NFIX: variants seen among roughly 807,000 people sequenced by gnomAD.
NFIX encodes the protein nuclear factor I X.
NFIX carries 2 observed loss-of-function variants against 53.3 expected under a neutral mutation model. The ratio of observed to expected loss-of-function variants is 0.04; its 90% CI spans 0.02 to 0.12. The LOEUF is 0.12. Ranked by LOEUF, NFIX falls within the 10% of genes least tolerant of loss-of-function variation. The pLI is 1.00. For synonymous variants in NFIX, 244 were observed against 289.0 expected (o/e 0.84, Z 1.58); for missense variants, 310 against 674.5 (o/e 0.46, Z 5.99).
At position 13,072,751 on chromosome 19, in the gene NFIX, A is replaced by T. The variant is rs1249784356; in HGVS notation, c.560-296A>T. ...TACTGTCATCTAGTGGGTGGAGGCC[A>T]GGGATGCTGCTCAGATACCCCACAG... is the stretch of plus-strand genomic sequence containing the variant. On this transcript the variant is annotated intron_variant, in intron 2 of 10. Transcript: ENST00000592199. The surrounding 1 kb of genome is among the most constrained non-coding windows in gnomAD (Gnocchi z 4.0). 6.6e-6 allele frequency among the ~76,000 whole-genome samples: 1 copy of T among 152,220 alleles called. No individual in the cohort carries two copies. Among genetic ancestry groups the T allele is most frequent in the African/African-American group, 2.4e-5 (1 of 41,452 alleles).
At chr19:13,020,759 C>T (rs1046228386) in intron 1 of NFIX, among the ~76,000 whole-genome samples, 4 of 152,098 alleles carry the variant, frequency 2.6e-5, no homozygotes, top group African/African-American at 9.7e-5. Flanking sequence ...TCCGCCAGTC[C>T]GTGGAGTTTT....
chr19:13,073,520 C>T lies in NFIX; in HGVS notation c.697+24C>T, dbSNP rs1425915200. 6.2e-7 allele frequency: 1 copy of T among 1,601,782 alleles called. No homozygotes were observed. Among genetic ancestry groups the T allele is most frequent in the African/African-American group, 1.3e-5 (1 of 74,626 alleles). On this transcript the variant is annotated intron_variant, in intron 4 of 10. Transcript: ENST00000592199. The surrounding 1 kb of genome is among the most constrained non-coding windows in gnomAD (Gnocchi z 4.5). ...GAGTAAGTGAGTCCTTCCTTCCAGGCCAGGGATGGGGATTGAAAGTGAGGA... is the reference window on the plus strand; with the variant it reads ...GAGTAAGTGAGTCCTTCCTTCCAGGTCAGGGATGGGGATTGAAAGTGAGGA...
At chr19:13,008,056 C>T (rs939811584) in intron 1 of NFIX, among the ~76,000 whole-genome samples, 1 of 152,212 alleles carries the variant, frequency 6.6e-6, no homozygotes, top group Non-Finnish European at 1.5e-5. Context: ...ATACAACAAA[C>T]ACACATGTTG....
rs1047041787 is a variant in NFIX, at chr19:13,067,828, G to A, written c.560-5219G>A. Among the ~76,000 whole-genome samples the A allele has an allele frequency of 6.6e-6, 1 of 152,000 alleles. No homozygotes were observed. Among genetic ancestry groups the A allele is most frequent in the African/African-American group, 2.4e-5 (1 of 41,384 alleles). ...ATATATATATTAAAAACATGCATCC[G>A]GGCACGGTGGCTCACGCCTGTAATC... On this transcript the variant is annotated intron_variant, in intron 2 of 10. Transcript: ENST00000592199. The surrounding 1 kb of genome is among the most constrained non-coding windows in gnomAD (Gnocchi z 4.2).
intron 1 of NFIX, among the ~76,000 whole-genome samples, chr19:13,015,808 A>G (rs62109896): frequency 1.1e-3 from 163 of 150,810 alleles, no homozygotes; most frequent in Middle Eastern, 6.8e-3. Flanking sequence ...ACACACACAC[A>G]CACACGCACA....
At chr19:13,092,135 A>C (rs1438688764) in intron 10 of NFIX, among the ~76,000 whole-genome samples, 1 of 152,164 alleles carries the variant, frequency 6.6e-6, no homozygotes, top group Non-Finnish European at 1.5e-5. Flanking sequence ...CAGGGGGTAC[A>C]GCCGGGGGTG....
chr19:13,088,796 C>CTG lies in NFIX; in HGVS notation c.1402+663_1402+664dup, dbSNP rs1350639278. 6.6e-6 allele frequency among the ~76,000 whole-genome samples: 1 copy of CTG among 152,144 alleles called. No individual in the cohort carries two copies. Among genetic ancestry groups the CTG allele is most frequent in the Non-Finnish European group, 1.5e-5 (1 of 68,016 alleles). On this transcript the variant is annotated intron_variant, in intron 9 of 10. Transcript: ENST00000592199. The surrounding 1 kb of genome is among the most constrained non-coding windows in gnomAD (Gnocchi z 5.9). ...TAGATGTTCCAAGGACGAGGGAGGG[C>CTG]TGTGGGCTTTGGCTTACTTCATCTC...
rs1056617261 is a variant in NFIX at position 13,078,928 on chromosome 19, G to A, written c.1078+193G>A. Reference sequence around the variant, plus strand: ...GTAGCACCTCATCGAGGACCAGGCCGGGCCCCTGGGCTGCCCACCTGGCTC... The same window carrying A: ...GTAGCACCTCATCGAGGACCAGGCCAGGCCCCTGGGCTGCCCACCTGGCTC... On this transcript the variant is annotated intron_variant, in intron 7 of 10. Coordinates refer to ENST00000592199, the MANE Select transcript of NFIX (RefSeq NM_001365902.3). The surrounding 1 kb of genome is among the most constrained non-coding windows in gnomAD (Gnocchi z 4.7). Among the ~76,000 whole-genome samples, 1 of 152,248 alleles carries A rather than the reference G, an allele frequency of 6.6e-6. No individual in the cohort carries two copies. The highest frequency in any genetic ancestry group is 2.4e-5 in the African/African-American group (1 of 41,474).
intron 2 of NFIX, among the ~76,000 whole-genome samples, chr19:13,035,256 TG>T (rs1341836008): frequency 6.6e-6 from 1 of 152,234 alleles, no homozygotes; most frequent in Non-Finnish European, 1.5e-5. Flanking sequence ...GTGTGTCCTG[TG>T]TTGTTTTCGC....
rs2014320577 is a variant in NFIX, at chr19:13,037,863, TCCCCCAGGAACAAAGAATCATCTCGC to T, written c.559+12316_559+12341del. ...GGGAAGAGTCTACTGCATATGACAGTCCCCCAGGAACAAAGAATCATCTCGCCCCCAAACGTCACAAGTGCGGAGGT... is the reference window on the plus strand; with the variant it reads ...GGGAAGAGTCTACTGCATATGACAGTCCCCAAACGTCACAAGTGCGGAGGT... On this transcript the variant is annotated intron_variant, in intron 2 of 10. Transcript: ENST00000592199. The surrounding 1 kb of genome is among the most constrained non-coding windows in gnomAD (Gnocchi z 4.2). 6.6e-6 allele frequency among the ~76,000 whole-genome samples: 1 copy of T among 151,810 alleles called. No individual in the cohort carries two copies. The highest frequency in any genetic ancestry group is 2.1e-4 in the South Asian group (1 of 4,804).
rs2011758758 is a variant in NFIX, at chr19:13,002,392, T to TC, written c.27+6534dup. On this transcript the variant is annotated intron_variant, in intron 1 of 10. Coordinates refer to ENST00000592199, the MANE Select transcript of NFIX (RefSeq NM_001365902.3). This position sits in a 1 kb window ranked among gnomAD's most constrained non-coding sequence, Gnocchi z 6.1. ...CCCCAACCCCCCCTTCCTCACCACC[T>TC]CCCCCCTCCCGAGGAGCCCCTCTGA... 6.7e-6 allele frequency among the ~76,000 whole-genome samples: 1 copy of TC among 149,564 alleles called. No homozygotes were observed. Among genetic ancestry groups the TC allele is most frequent in the Admixed American group, 6.6e-5 (1 of 15,136 alleles).
Position 13,067,830 on chromosome 19 carries a change from G to A in NFIX, c.560-5217G>A, listed in dbSNP as rs1410145982. 1.3e-5 allele frequency among the ~76,000 whole-genome samples: 2 copies of A among 152,128 alleles called. No individual in the cohort carries two copies. Among genetic ancestry groups the A allele is most frequent in the South Asian group, 2.1e-4 (1 of 4,820 alleles). On this transcript the variant is annotated intron_variant, in intron 2 of 10. Coordinates refer to ENST00000592199, the MANE Select transcript of NFIX (RefSeq NM_001365902.3). The surrounding 1 kb of genome is among the most constrained non-coding windows in gnomAD (Gnocchi z 4.2). ...ATATATATTAAAAACATGCATCCGGGCACGGTGGCTCACGCCTGTAATCCC... is the reference window on the plus strand; with the variant it reads ...ATATATATTAAAAACATGCATCCGGACACGGTGGCTCACGCCTGTAATCCC...
At chr19:13,079,525 A>G (rs980912411) in intron 7 of NFIX, among the ~76,000 whole-genome samples, 1 of 152,190 alleles carries the variant, frequency 6.6e-6, no homozygotes, top group East Asian at 1.9e-4. Flanking sequence ...TTTTCTGGAT[A>G]TGGCCCTATG....
At chr19:13,084,926 C>T (rs984924695) in intron 8 of NFIX, among the ~76,000 whole-genome samples, 30 of 151,748 alleles carry the variant, frequency 2.0e-4, no homozygotes, top group Non-Finnish European at 3.4e-4. Flanking sequence ...AAAAATTAGC[C>T]GGGCATGATG....
chr19:13,064,195 G>A (rs1291212578), intron 2 of NFIX, among the ~76,000 whole-genome samples: 6 of 152,152 alleles, frequency 3.9e-5, no homozygotes, highest in Non-Finnish European at 7.4e-5. Flanking sequence ...GCTGGGGGCC[G>A]CTTGCCTGGA....
intron 1 of NFIX, chr19:13,024,432 C>A (rs2013154201): frequency 3.5e-6 from 5 of 1,426,786 alleles, no homozygotes; most frequent in Non-Finnish European, 3.7e-6. Flanking sequence ...TGAAAACAGC[C>A]TGGGGAGAGG....
chr19:13,078,751 C>T lies in NFIX; in HGVS notation c.1078+16C>T. ...GTCAGACCAGGTGAGAAATGGGGGG[C>T]CCCGGAGGGGGGCAGTTGGGGAGGT... On this transcript the variant is annotated intron_variant, in intron 7 of 10. Coordinates refer to ENST00000592199, the MANE Select transcript of NFIX (RefSeq NM_001365902.3). The surrounding 1 kb of genome is among the most constrained non-coding windows in gnomAD (Gnocchi z 4.7). The T allele has an allele frequency of 1.9e-6, 3 of 1,588,856 alleles. No individual in the cohort carries two copies. The highest frequency in any genetic ancestry group is 2.6e-6 in the Non-Finnish European group (3 of 1,169,632).
intron 2 of NFIX, among the ~76,000 whole-genome samples, chr19:13,055,024 C>T (rs1400754490): frequency 2.6e-5 from 4 of 152,110 alleles, no homozygotes; most frequent in Non-Finnish European, 1.5e-5. Context: ...TCTTTCTGGC[C>T]TCGTGATGGG....
Position 13,087,774 on chromosome 19 carries a change from CAAAAAAAAAAA to C in NFIX, c.1255-201_1255-191del, listed in dbSNP as rs1157966190. ...CCCTCCCACAACTTCAAAAGAGGAC[CAAAAAAAAAAA>C]AAAAAAAAAAAAAGAGAAACACCTG... is the stretch of plus-strand genomic sequence containing the variant. On this transcript the variant is annotated intron_variant, in intron 8 of 10. Coordinates refer to ENST00000592199, the MANE Select transcript of NFIX (RefSeq NM_001365902.3). 4.5e-3 allele frequency among the ~76,000 whole-genome samples: 119 copies of C among 26,398 alleles called. 2 individuals carry two copies. In the East Asian group the frequency reaches 0.11, roughly 25 times the overall value. 17.3% of individuals were successfully genotyped at this position (26,398 alleles called of 152,430 possible). A position where few individuals can be genotyped will look rare whatever the true frequency, so the allele number is the denominator to read the frequency against.
Sources: allele counts gnomAD v4.1 joint callset (sites outside exome capture counted in the v4.1 genomes callset), GRCh38; gene constraint gnomAD v4.1.1; non-coding constraint Gnocchi (gnomAD v3.1); transcripts MANE v1.5; gene names NCBI Gene and HGNC (gene_info 2026-07-23, HGNC 2026-07-21).